Variants in FLNB observed in about 807,000 individuals in gnomAD.
FLNB encodes filamin-B.
FLNB carries 111 observed loss-of-function variants against 250.6 expected under a neutral mutation model. That is an observed-to-expected ratio of 0.44 (90% CI 0.38 to 0.52). The LOEUF is 0.52. FLNB is among the 20% of genes least tolerant of loss of function. The pLI, the probability that FLNB is intolerant of heterozygous loss-of-function variation, is 0.00. For synonymous variants in FLNB, 1,302 were observed against 1,372.1 expected, an observed-to-expected ratio of 0.95 and a Z score of 1.13; for missense variants, 2,869 against 3,447.8, an observed-to-expected ratio of 0.83 and a Z score of 4.20.
rs559318285 is a variant in FLNB at position 58,008,924 on chromosome 3, G to T, written c.292+68G>T. ...CCCGCCCCCGCGCGTGCACCCCTGC[G>T]GAGGGCGAGGATTTCCCGCAGCGCG... On this transcript the variant is annotated intron_variant, in intron 1 of 45. Coordinates refer to ENST00000295956, the MANE Select transcript of FLNB (RefSeq NM_001457.4). 3.8e-6 allele frequency: 6 copies of T among 1,578,768 alleles called. No individual in the cohort carries two copies. In the South Asian group the frequency reaches 5.5e-5, roughly 15 times the overall value.
intron 1 of FLNB, among the ~76,000 whole-genome samples, chr3:58,024,574 C>A (rs1176284093): frequency 6.6e-6 from 1 of 152,062 alleles, no homozygotes; most frequent in Non-Finnish European, 1.5e-5. Flanking sequence ...AGAAATAGGC[C>A]AAAGATACCG....
intron 32 of FLNB, among the ~76,000 whole-genome samples, chr3:58,145,135 A>G (rs1346337924): frequency 6.6e-6 from 1 of 152,210 alleles, no homozygotes; most frequent in African/African-American, 2.4e-5. Flanking sequence ...GAGAGAGAGG[A>G]AAAAATGTCT....
At chr3:58,125,821 CT>C in intron 23 of FLNB, 78 bp downstream of exon 23, 3 of 1,374,104 alleles carry the variant, frequency 2.2e-6, no homozygotes, top group Non-Finnish European at 3.1e-6. Flanking sequence ...GGTTTCCTAA[CT>C]TTTGATAAGA....
chr3:58,010,501 G>A (rs893099009), intron 1 of FLNB, among the ~76,000 whole-genome samples: 6 of 152,070 alleles, frequency 3.9e-5, no homozygotes, highest in African/African-American at 4.8e-5. Context: ...TGCATGGCAC[G>A]CTGTTGTCTT....
At position 58,121,273 on chromosome 3, in the gene FLNB, G is replaced by T; in HGVS notation, c.2896G>T (p.Val966Phe). 6.2e-7 allele frequency: 1 copy of T among 1,614,132 alleles called. No homozygotes were observed. Among genetic ancestry groups the T allele is most frequent in the African/African-American group, 1.3e-5 (1 of 75,016 alleles). Residue 966 changes from valine (V) to phenylalanine (F), a missense_variant, in exon 20 of 46, where the codon GTT (valine) becomes TTT (phenylalanine). By Grantham distance (50) the Val-to-Phe change is conservative. Transcript: ENST00000295956. ...AGTTGGGAAGGATCAGGAGTTCACCGTTGATACCAGGGGGGCAGGAGGCCA... is the reference window on the plus strand; with the variant it reads ...AGTTGGGAAGGATCAGGAGTTCACCTTTGATACCAGGGGGGCAGGAGGCCA... ...VEVGKDQEFT[V>F]DTRGAGGQGK...
chr3:58,139,599 CT>C (rs1022342388), intron 29 of FLNB, among the ~76,000 whole-genome samples: 2 of 152,174 alleles, frequency 1.3e-5, no homozygotes, highest in Non-Finnish European at 2.9e-5. Flanking sequence ...TCTGGAGGCT[CT>C]TTTATGTCTC....
At chr3:58,108,095 C>T (rs989762301) in intron 12 of FLNB, among the ~76,000 whole-genome samples, 1 of 151,374 alleles carries the variant, frequency 6.6e-6, no homozygotes, top group East Asian at 2.1e-4. Context: ...ACATAAAATA[C>T]TAATGATAGC....
intron 24 of FLNB, among the ~76,000 whole-genome samples, chr3:58,129,531 C>T (rs1292506928): frequency 6.6e-6 from 1 of 152,218 alleles, no homozygotes; most frequent in East Asian, 1.9e-4. Flanking sequence ...TTTTGTTCCT[C>T]TCACCCCAGT....
chr3:58,010,740 A>AAAACC (rs1300087785), intron 1 of FLNB, among the ~76,000 whole-genome samples: 1 of 152,208 alleles, frequency 6.6e-6, no homozygotes, highest in South Asian at 2.1e-4. Flanking sequence ...AAACAACAAC[A>AAAACC]AAACCAAACC....
At chr3:58,016,156 T>C (rs2106690850) in intron 1 of FLNB, among the ~76,000 whole-genome samples, 1 of 150,114 alleles carries the variant, frequency 6.7e-6, no homozygotes, top group East Asian at 2.1e-4. Flanking sequence ...ATCTCCCGGG[T>C]TCAAGAGATT....
chr3:58,160,377 G>A (rs114334276), intron 42 of FLNB, among the ~76,000 whole-genome samples: 10 of 152,246 alleles, frequency 6.6e-5, no homozygotes, highest in African/African-American at 1.9e-4. Context: ...CAGTGTTACC[G>A]GTGAACATAA....
At chr3:58,143,972 G>T (rs1389086502) in intron 32 of FLNB, among the ~76,000 whole-genome samples, 1 of 152,148 alleles carries the variant, frequency 6.6e-6, no homozygotes, top group Non-Finnish European at 1.5e-5. Context: ...TTGGGGCCAG[G>T]TCAGAGGTGG....
chr3:58,111,579 C>G (rs553882572), intron 16 of FLNB, among the ~76,000 whole-genome samples: 35 of 152,240 alleles, frequency 2.3e-4, no homozygotes, highest in Middle Eastern at 3.4e-3. Context: ...CATCAGGGAT[C>G]CAGGCATTAG....
intron 28 of FLNB, among the ~76,000 whole-genome samples, chr3:58,136,746 CTTTT>C (rs57053256): frequency 1.3e-5 from 1 of 79,798 alleles, no homozygotes; most frequent in Non-Finnish European, 2.2e-5. Context: ...ACAGGCCATT[CTTTT>C]TTTTTTTTTT....
intron 1 of FLNB, among the ~76,000 whole-genome samples, chr3:58,053,036 CCATT>C (rs2097164930): frequency 1.3e-5 from 2 of 152,052 alleles, no homozygotes; most frequent in Non-Finnish European, 2.9e-5. Context: ...CATTGTCAGC[CCATT>C]TTACAGATGA....
In FLNB at chr3:58,152,241, T is replaced by C. The variant is rs563312333; in HGVS notation, c.6368-1134T>C. Among the ~76,000 whole-genome samples the C allele has an allele frequency of 7.2e-5, 11 of 152,316 alleles. No homozygotes were observed. In the South Asian group the frequency reaches 2.3e-3, roughly 32 times the overall value. On this transcript the variant is annotated intron_variant, in intron 38 of 45. Transcript: ENST00000295956. Reference sequence around the variant, plus strand: ...CTCTCGGAGATCCCCTCCTCCTTAATGGAGGACAGCTCACTAACTTCAGAT... The same window carrying C: ...CTCTCGGAGATCCCCTCCTCCTTAACGGAGGACAGCTCACTAACTTCAGAT...
intron 1 of FLNB, among the ~76,000 whole-genome samples, chr3:58,019,875 A>AG (rs1383715564): frequency 2.0e-5 from 3 of 152,040 alleles, no homozygotes; most frequent in Admixed American, 6.5e-5. Flanking sequence ...TTTGGTTTCC[A>AG]GGGGGCAGTA....
intron 18 of FLNB, among the ~76,000 whole-genome samples, chr3:58,112,555 C>A (rs1408475808): frequency 6.6e-6 from 1 of 152,260 alleles, no homozygotes; most frequent in African/African-American, 2.4e-5. Flanking sequence ...GGTCCCATAT[C>A]TCCACCTTTG....
chr3:58,068,371 C>T (rs1308109961), intron 1 of FLNB, among the ~76,000 whole-genome samples: 1 of 152,104 alleles, frequency 6.6e-6, no homozygotes, highest in African/African-American at 2.4e-5. Context: ...TACCCAGGGG[C>T]CTCTGGGGTA....
Sources: allele counts gnomAD v4.1 joint callset (sites outside exome capture counted in the v4.1 genomes callset), GRCh38; gene constraint gnomAD v4.1.1; transcripts MANE v1.5; gene names NCBI Gene and HGNC (gene_info 2026-07-23, HGNC 2026-07-21).